Variants in PDE11A observed in about 807,000 individuals in gnomAD.
PDE11A encodes phosphodiesterase 11A.
In PDE11A, 100 loss-of-function variants were observed where a neutral mutation model predicts 100.5. That is an observed-to-expected ratio of 1.00 (90% CI 0.85 to 1.18). The LOEUF is 1.18. PDE11A is among the 50% of genes most tolerant of loss of function. The probability of loss-of-function intolerance (pLI) is 0.00; values close to 1 mark genes in which losing one functional copy is unlikely to be tolerated. For synonymous variants in PDE11A, 381 were observed against 420.8 expected (o/e 0.91, Z 1.16); for missense variants, 1,141 against 1,152.6 (o/e 0.99, Z 0.15).
intron 2 of PDE11A, among the ~76,000 whole-genome samples, chr2:178,101,107 A>C (rs2087554153): frequency 6.6e-6 from 1 of 152,204 alleles, no homozygotes; most frequent in South Asian, 2.1e-4. Flanking sequence ...CCTTTGCTTC[A>C]GACACCAGCT....
intron 2 of PDE11A, among the ~76,000 whole-genome samples, chr2:177,915,386 C>T (rs1408586065): frequency 6.6e-6 from 1 of 152,208 alleles, no homozygotes. Context: ...AACCACTGAT[C>T]TTTTTATTGA....
intron 2 of PDE11A, among the ~76,000 whole-genome samples, chr2:178,088,370 A>G (rs1018505349): frequency 1.3e-5 from 2 of 152,244 alleles, no homozygotes; most frequent in African/African-American, 4.8e-5. Context: ...ACAAGGGTTC[A>G]ATTCAAAAAA....
In PDE11A at chr2:177,862,484, T is replaced by A. The variant is rs572771535; in HGVS notation, c.1367+13375A>T. Among the ~76,000 whole-genome samples, 17 of 151,918 alleles carry A rather than the reference T, an allele frequency of 1.1e-4. No homozygotes were observed. The East Asian group carries it at 2.3e-3, about 21-fold the overall frequency. On this transcript the variant is annotated intron_variant, in intron 5 of 19. Transcript: ENST00000286063. ...AAACTGTTAGACCTAATATATGAATTGAGTAAAATTGCAGGATACAAAATC... is the reference window on the plus strand; with the variant it reads ...AAACTGTTAGACCTAATATATGAATAGAGTAAAATTGCAGGATACAAAATC...
intron 5 of PDE11A, among the ~76,000 whole-genome samples, chr2:177,843,017 A>G (rs1435164789): frequency 1.3e-5 from 2 of 152,178 alleles, no homozygotes; most frequent in African/African-American, 4.8e-5. Flanking sequence ...AGGGAAGGGA[A>G]GGAGGAGAAA....
intron 9 of PDE11A, among the ~76,000 whole-genome samples, chr2:177,787,831 A>G (rs1262026477): frequency 2.6e-5 from 4 of 152,082 alleles, no homozygotes; most frequent in Admixed American, 6.5e-5. Flanking sequence ...TCAACAAGAA[A>G]AGCTAACTAT....
At chr2:177,751,916 T>C (rs569221697) in intron 10 of PDE11A, among the ~76,000 whole-genome samples, 1 of 152,302 alleles carries the variant, frequency 6.6e-6, no homozygotes, top group Non-Finnish European at 1.5e-5. Flanking sequence ...TCTGTTCTCA[T>C]TTTTGTGACT....
intron 2 of PDE11A, among the ~76,000 whole-genome samples, chr2:178,104,114 T>C (rs1431534131): frequency 6.6e-6 from 1 of 152,224 alleles, no homozygotes; most frequent in African/African-American, 2.4e-5. Flanking sequence ...AGATTCTTAA[T>C]TCTTCTGATT....
chr2:178,030,833 T>G (rs1480540959), intron 1 of PDE11A, among the ~76,000 whole-genome samples: 1 of 152,118 alleles, frequency 6.6e-6, no homozygotes, highest in Non-Finnish European at 1.5e-5. Context: ...AATCTTGTGA[T>G]TGTGTCACTG....
chr2:177,780,352 C>T lies in PDE11A; in HGVS notation c.1738-10979G>A, dbSNP rs971166842. Among the ~76,000 whole-genome samples, 11 of 152,266 alleles carry T rather than the reference C, an allele frequency of 7.2e-5. No individual in the cohort carries two copies. The East Asian group carries it at 1.7e-3, about 24-fold the overall frequency. On this transcript the variant is annotated intron_variant, in intron 9 of 19. Transcript: ENST00000286063. ...CCTCCCGCCTCAGCCTCCCAAGTAG[C>T]TGGGACTACAGGTGTACACCACCAC... is the stretch of plus-strand genomic sequence containing the variant.
intron 13 of PDE11A, among the ~76,000 whole-genome samples, chr2:177,702,044 AT>A (rs2081204781): frequency 1.3e-5 from 2 of 152,246 alleles, no homozygotes; most frequent in African/African-American, 4.8e-5. Flanking sequence ...TGTAGTCTGT[AT>A]TAATTATTAA....
chr2:177,852,458 T>G (rs761085247), intron 5 of PDE11A, among the ~76,000 whole-genome samples: 3 of 152,126 alleles, frequency 2.0e-5, no homozygotes, highest in Non-Finnish European at 2.9e-5. Context: ...TGAGGTTGGG[T>G]TCACAAAAAG....
chr2:177,998,792 C>A, intron 2 of PDE11A: 3 of 709,474 alleles, frequency 4.2e-6, no homozygotes, highest in Non-Finnish European at 7.7e-6. Context: ...AGCCCAGGGC[C>A]TGCTCCCACT....
intron 9 of PDE11A, among the ~76,000 whole-genome samples, chr2:177,800,230 C>T (rs1308633928): frequency 7.1e-6 from 1 of 140,872 alleles, no homozygotes; most frequent in Non-Finnish European, 1.6e-5. Context: ...CAGGCTGTGG[C>T]ATGATCATAG....
intron 6 of PDE11A, among the ~76,000 whole-genome samples, chr2:177,825,619 C>T (rs374473109): frequency 7.2e-5 from 11 of 152,218 alleles, no homozygotes; most frequent in African/African-American, 2.6e-4. Context: ...ATGAAAGAAG[C>T]ACAGGATGTC....
chr2:177,994,380 G>A (rs1209967385), intron 2 of PDE11A, among the ~76,000 whole-genome samples: 1 of 152,180 alleles, frequency 6.6e-6, no homozygotes, highest in East Asian at 1.9e-4. Context: ...ACATGTCTGT[G>A]TGTTGGATAA....
chr2:177,630,451 C>A (rs2079901475), intron 19 of PDE11A, among the ~76,000 whole-genome samples: 1 of 152,170 alleles, frequency 6.6e-6, no homozygotes, highest in Non-Finnish European at 1.5e-5. Context: ...CTTCAGCTTT[C>A]ATATCAGAGG....
intron 10 of PDE11A, among the ~76,000 whole-genome samples, chr2:177,758,662 A>G (rs2082129868): frequency 6.6e-6 from 1 of 152,230 alleles, no homozygotes; most frequent in African/African-American, 2.4e-5. Context: ...AAAAAGAATT[A>G]ATGTAGCATC....
At chr2:177,971,329 A>C (rs2085768137) in intron 2 of PDE11A, among the ~76,000 whole-genome samples, 1 of 152,154 alleles carries the variant, frequency 6.6e-6, no homozygotes, top group East Asian at 1.9e-4. Flanking sequence ...ATGAAGTAGG[A>C]AGGAGAAGTC....
intron 2 of PDE11A, among the ~76,000 whole-genome samples, chr2:178,012,624 C>G (rs1297981740): frequency 6.6e-6 from 1 of 152,142 alleles, no homozygotes; most frequent in Non-Finnish European, 1.5e-5. Context: ...GGTACAGAGT[C>G]CTGTGCAAAT....
Sources: allele counts gnomAD v4.1 joint callset (sites outside exome capture counted in the v4.1 genomes callset), GRCh38; gene constraint gnomAD v4.1.1; transcripts MANE v1.5; gene names NCBI Gene and HGNC (gene_info 2026-07-23, HGNC 2026-07-21).